Variants in NBAS observed in about 807,000 individuals in gnomAD.
The protein encoded by NBAS is NAG/BC035112 fusion.
NBAS carries 219 observed loss-of-function variants against 302.5 expected under a neutral mutation model. The ratio of observed to expected loss-of-function variants is 0.72; its 90% confidence interval spans 0.65 to 0.81. The LOEUF (loss-of-function observed/expected upper bound fraction) is 0.81. NBAS is among the 30% of genes least tolerant of loss of function. The pLI is 0.00. For missense variants in NBAS, 2,932 were observed against 2,841.6 expected, an observed-to-expected ratio of 1.03 and a Z score of -0.72; for synonymous variants, 1,118 against 1,021.6, an observed-to-expected ratio of 1.09 and a Z score of -1.80.
chr2:15,547,328 T>C (rs1251780399), intron 6 of NBAS, among the ~76,000 whole-genome samples: 3 of 152,212 alleles, frequency 2.0e-5, no homozygotes, highest in African/African-American at 7.2e-5. Context: ...ATATGGGAGT[T>C]ATTCCCATAA....
At chr2:15,253,034 G>A (rs935695730) in intron 44 of NBAS, among the ~76,000 whole-genome samples, 8 of 152,160 alleles carry the variant, frequency 5.3e-5, no homozygotes, top group African/African-American at 1.9e-4. Context: ...GGAAGAAGGA[G>A]GGGAGGGTGG....
chr2:15,307,779 G>C (rs768724641), intron 40 of NBAS, among the ~76,000 whole-genome samples: 1 of 151,752 alleles, frequency 6.6e-6, no homozygotes, highest in Admixed American at 6.6e-5. Flanking sequence ...CATTCTGTCC[G>C]TACAACTGAC....
the NBAS span, among the ~76,000 whole-genome samples, chr2:15,030,170 G>A: frequency 8.5e-3 from 1,299 of 152,190 alleles, 22 homozygotes; most frequent in South Asian, 0.07. Flanking sequence ...GGAAAGTGTG[G>A]AAGGTGATGT....
At chr2:15,156,616 C>T in the NBAS span, among the ~76,000 whole-genome samples, 3 of 152,140 alleles carry the variant, frequency 2.0e-5, no homozygotes, top group Admixed American at 6.5e-5. Context: ...CCATTCGTGA[C>T]GGCTCCATTC....
At chr2:14,924,712 C>T in the NBAS span, among the ~76,000 whole-genome samples, 4 of 152,200 alleles carry the variant, frequency 2.6e-5, no homozygotes, top group African/African-American at 9.6e-5. Flanking sequence ...GACATATTAA[C>T]TCCAGTCACG....
chr2:15,168,032 T>G (rs1664115758), intron 51 of NBAS, among the ~76,000 whole-genome samples: 1 of 152,232 alleles, frequency 6.6e-6, no homozygotes. Context: ...TCTTTCAGTT[T>G]GCGTATTCTC....
the NBAS span, among the ~76,000 whole-genome samples, chr2:14,986,326 G>A: frequency 6.6e-6 from 1 of 151,844 alleles, no homozygotes; most frequent in Non-Finnish European, 1.5e-5. Context: ...ATATAGAGTA[G>A]CCCATTAAAT....
At chr2:15,437,313 T>C (rs1678074678) in intron 21 of NBAS, among the ~76,000 whole-genome samples, 2 of 152,120 alleles carry the variant, frequency 1.3e-5, no homozygotes, top group Non-Finnish European at 2.9e-5. Flanking sequence ...AGTCTCCATC[T>C]CTTGAAAGAG....
chr2:15,351,669 T>G (rs1341221017), intron 35 of NBAS, among the ~76,000 whole-genome samples: 1 of 151,694 alleles, frequency 6.6e-6, no homozygotes, highest in African/African-American at 2.4e-5. Context: ...AGAGTGAGAC[T>G]CCATAGAAAA....
intron 35 of NBAS, among the ~76,000 whole-genome samples, chr2:15,337,471 TA>T (rs1199924589): frequency 6.6e-6 from 1 of 151,338 alleles, no homozygotes; most frequent in East Asian, 1.9e-4. Flanking sequence ...AGTTAAAAAA[TA>T]AAAATAAAAA....
In NBAS at chr2:15,394,335, A is replaced by T; in HGVS notation, c.3149T>A (p.Leu1050Ter). ...TGGTTTCTCGAGTCCATGTTTTTCC[A>T]AAAGCTCTGACACACTATAAGTGAA... is the stretch of plus-strand genomic sequence containing the variant. Reference protein sequence around the residue: ...LEQILSVSELLEKHGLEKPIS... With the variant: ...LEQILSVSEL The change falls in exon 28 of 52, where the codon TTG (leucine) becomes TAG (stop). Residue 1050 changes from leucine to a stop codon, truncating the protein, a stop_gained. Coordinates refer to ENST00000281513, the MANE Select transcript of NBAS (RefSeq NM_015909.4). LOFTEE classifies it high-confidence loss of function. 1.2e-6 allele frequency: 2 copies of T among 1,613,010 alleles called. No individual in the cohort carries two copies. Among genetic ancestry groups the T allele is most frequent in the Non-Finnish European group, 1.7e-6 (2 of 1,179,238 alleles).
At chr2:15,531,947 T>C (rs4668921) in intron 9 of NBAS, among the ~76,000 whole-genome samples, 96,906 of 151,962 alleles carry the variant, frequency 0.64, 31,637 homozygotes, top group Non-Finnish European at 0.68. Context: ...TAGCTCCTCA[T>C]GTACTTTATA....
the NBAS span, among the ~76,000 whole-genome samples, chr2:14,896,107 G>A: frequency 4.6e-5 from 7 of 151,992 alleles, no homozygotes; most frequent in African/African-American, 1.4e-4. Context: ...AAATTAATCC[G>A]GGAGAAGAGA....
At chr2:15,053,173 G>C in the NBAS span, among the ~76,000 whole-genome samples, 1 of 152,148 alleles carries the variant, frequency 6.6e-6, no homozygotes, top group African/African-American at 2.4e-5. Context: ...AAAATGTTTA[G>C]ATATTAAAGA....
chr2:15,186,867 G>A lies in NBAS; in HGVS notation c.6586C>T (p.Pro2196Ser). The A allele has an allele frequency of 1.2e-6, 2 of 1,613,940 alleles. No homozygotes were observed. Among genetic ancestry groups the A allele is most frequent in the Non-Finnish European group, 1.7e-6 (2 of 1,179,952 alleles). ...MKSEYVITNN[P>S]WVRLATVMLT... Reference sequence around the variant, plus strand: ...ATCACTGTAGCTAGTCTCACCCATGGATTATTGGTTATGCTGGTGTTTATG... The same window carrying A: ...ATCACTGTAGCTAGTCTCACCCATGAATTATTGGTTATGCTGGTGTTTATG... Residue 2196 changes from proline (P) to serine (S), a missense_variant, in exon 50 of 52, where the codon CCA becomes TCA. Transcript: ENST00000281513.
chr2:15,500,653 A>T (rs1457222525), intron 11 of NBAS, among the ~76,000 whole-genome samples: 1 of 96,308 alleles, frequency 1.0e-5, no homozygotes, highest in Admixed American at 1.1e-4. Context: ...TAAAAAAAAA[A>T]GGCCAGGTGC....
intron 38 of NBAS, among the ~76,000 whole-genome samples, chr2:15,312,262 C>T (rs1671312896): frequency 6.6e-6 from 1 of 152,144 alleles, no homozygotes; most frequent in South Asian, 2.1e-4. Flanking sequence ...GAGAATTCAA[C>T]TACATTCTTT....
At chr2:14,781,359 T>G in the NBAS span, among the ~76,000 whole-genome samples, 6 of 152,210 alleles carry the variant, frequency 3.9e-5, no homozygotes, top group African/African-American at 1.4e-4. Flanking sequence ...AAGTGACTAC[T>G]CTGTTTTCAT....
chr2:14,939,161 C>T, the NBAS span, among the ~76,000 whole-genome samples: 4 of 152,202 alleles, frequency 2.6e-5, no homozygotes, highest in African/African-American at 4.8e-5. Context: ...CAGGGCAGAG[C>T]TCTGCCATGC....
Sources: gnomAD v4.1 joint callset for allele counts (sites outside exome capture counted in the v4.1 genomes callset) on GRCh38, gnomAD v4.1.1 for gene constraint, MANE v1.5 for transcripts, NCBI Gene and HGNC (gene_info 2026-07-23, HGNC 2026-07-21) for gene names.